DCDC2: variants seen among roughly 807,000 people sequenced by gnomAD.
DCDC2 encodes doublecortin domain-containing protein 2.
In DCDC2, 40 loss-of-function variants were observed where a neutral mutation model predicts 50.2. The ratio of observed to expected loss-of-function variants is 0.80; its 90% CI spans 0.62 to 1.04. The LOEUF (loss-of-function observed/expected upper bound fraction) is 1.04. Ranked by LOEUF, DCDC2 falls within the 50% of genes least tolerant of loss-of-function variation. The pLI, the probability that DCDC2 is intolerant of heterozygous loss-of-function variation, is 0.00. For synonymous variants in DCDC2, 234 were observed against 210.6 expected (o/e 1.11, Z -0.96); for missense variants, 570 against 581.9 (o/e 0.98, Z 0.21).
chr6:24,299,326 G>A (rs1418977078), intron 4 of DCDC2, among the ~76,000 whole-genome samples: 1 of 152,156 alleles, frequency 6.6e-6, no homozygotes, highest in Non-Finnish European at 1.5e-5. Flanking sequence ...AGTAGATACT[G>A]TTGACTGCTA....
At chr6:24,380,729 A>G in the DCDC2 span, among the ~76,000 whole-genome samples, 55,593 of 152,088 alleles carry the variant, frequency 0.37, 10,664 homozygotes, top group African/African-American at 0.47. Flanking sequence ...AATTATGAGG[A>G]GTGAGGACCA....
the DCDC2 span, among the ~76,000 whole-genome samples, chr6:24,377,600 A>G: frequency 6.6e-6 from 1 of 152,226 alleles, no homozygotes; most frequent in Admixed American, 6.5e-5. Context: ...TCTTGGTTTC[A>G]TCACTTAAGC....
At position 24,318,376 on chromosome 6, in the gene DCDC2, G is replaced by GT. The variant is rs200888895; in HGVS notation, c.349-16333dup. ...TGGAGAGGTTTCCAAGACATACTGGGTTTTTTGTTGTTGTTGTTAGTTTTT... is the reference window on the plus strand; with the variant it reads ...TGGAGAGGTTTCCAAGACATACTGGGTTTTTTTGTTGTTGTTGTTAGTTTTT... On this transcript the variant is annotated intron_variant, in intron 2 of 9. Coordinates refer to ENST00000378454, the MANE Select transcript of DCDC2 (RefSeq NM_016356.5). 2.2e-4 allele frequency among the ~76,000 whole-genome samples: 33 copies of GT among 152,036 alleles called. No homozygotes were observed. The East Asian group carries it at 5.4e-3, about 25-fold the overall frequency.
rs535339564 is a variant in DCDC2 at position 24,237,657 on chromosome 6, A to G, written c.923-32555T>C. 2.7e-4 allele frequency among the ~76,000 whole-genome samples: 41 copies of G among 152,332 alleles called. 1 individual carries two copies. The highest frequency in any genetic ancestry group is 9.6e-4 in the African/African-American group (40 of 41,588). ...CAGGACTATTCACAATAGCAAAGAC[A>G]TGGAATCAACCTAGGTGTCTATCAA... On this transcript the variant is annotated intron_variant, in intron 7 of 9. Coordinates refer to ENST00000378454, the MANE Select transcript of DCDC2 (RefSeq NM_016356.5).
chr6:24,375,053 T>G, the DCDC2 span, among the ~76,000 whole-genome samples: 2 of 152,178 alleles, frequency 1.3e-5, no homozygotes, highest in African/African-American at 4.8e-5. Flanking sequence ...AGAAATACCC[T>G]GTGGTGAAAA....
intron 7 of DCDC2, among the ~76,000 whole-genome samples, chr6:24,236,797 G>A (rs1762449105): frequency 6.6e-6 from 1 of 152,112 alleles, no homozygotes; most frequent in African/African-American, 2.4e-5. Flanking sequence ...ATCACCTGAG[G>A]TCAGGAGTTC....
intron 7 of DCDC2, among the ~76,000 whole-genome samples, chr6:24,251,920 C>T (rs1008278847): frequency 1.3e-5 from 2 of 152,186 alleles, no homozygotes; most frequent in African/African-American, 4.8e-5. Context: ...TGCACATATT[C>T]ATCATCTCCA....
At chr6:24,351,241 G>A (rs1042380258) in intron 2 of DCDC2, among the ~76,000 whole-genome samples, 1 of 152,208 alleles carries the variant, frequency 6.6e-6, no homozygotes, top group African/African-American at 2.4e-5. Context: ...ACTTCGGAGG[G>A]TGAAGGTCAT....
At chr6:24,309,657 A>G (rs1376980970) in intron 2 of DCDC2, among the ~76,000 whole-genome samples, 2 of 152,228 alleles carry the variant, frequency 1.3e-5, no homozygotes, top group African/African-American at 4.8e-5. Context: ...GAAAGAACAA[A>G]AACAAATATT....
intron 8 of DCDC2, among the ~76,000 whole-genome samples, chr6:24,183,074 A>C (rs1157898702): frequency 6.6e-6 from 1 of 152,222 alleles, no homozygotes; most frequent in South Asian, 2.1e-4. Context: ...ATGATTCTAC[A>C]TGTGAGGTAT....
intron 7 of DCDC2, among the ~76,000 whole-genome samples, chr6:24,252,315 A>T (rs1762810658): frequency 6.6e-6 from 1 of 152,164 alleles, no homozygotes; most frequent in Admixed American, 6.6e-5. Flanking sequence ...CAGCCAGATC[A>T]CAAGCCCCTT....
intron 8 of DCDC2, among the ~76,000 whole-genome samples, chr6:24,204,151 G>C (rs979394360): frequency 1.3e-5 from 2 of 152,124 alleles, no homozygotes; most frequent in Non-Finnish European, 2.9e-5. Context: ...ATACCTGAAG[G>C]ATAGTAAACC....
At chr6:24,293,225 C>A (rs1428672942) in intron 4 of DCDC2, among the ~76,000 whole-genome samples, 1 of 152,194 alleles carries the variant, frequency 6.6e-6, no homozygotes, top group Non-Finnish European at 1.5e-5. Flanking sequence ...CCACACCTGG[C>A]CCAGCACTGA....
In DCDC2 at chr6:24,202,303, C is replaced by T. The variant is rs143024307; in HGVS notation, c.1023+2699G>A. On this transcript the variant is annotated intron_variant, in intron 8 of 9. Transcript: ENST00000378454. The stretch of plus-strand genomic sequence containing the variant: ...TCAGCCACGATCAAGTCGGCTTCAT[C>T]CCTGGGATGGAAGCCTGGTTCAACA... 2.4e-3 allele frequency among the ~76,000 whole-genome samples: 368 copies of T among 152,310 alleles called. 1 individual carries two copies. The highest frequency in any genetic ancestry group is 8.5e-3 in the African/African-American group (355 of 41,556).
At chr6:24,301,180 G>A (rs1259375733) in intron 4 of DCDC2, among the ~76,000 whole-genome samples, 1 of 151,826 alleles carries the variant, frequency 6.6e-6, no homozygotes, top group Non-Finnish European at 1.5e-5. Context: ...GCCCATCCTG[G>A]CTAACATGGA....
At chr6:24,347,663 G>A (rs921416543) in intron 2 of DCDC2, among the ~76,000 whole-genome samples, 1 of 152,040 alleles carries the variant, frequency 6.6e-6, no homozygotes, top group East Asian at 1.9e-4. Context: ...GTGTCCTCAG[G>A]GGGTACTGGA....
intron 7 of DCDC2, among the ~76,000 whole-genome samples, chr6:24,231,011 C>A (rs536109037): frequency 6.6e-6 from 1 of 152,106 alleles, no homozygotes; most frequent in African/African-American, 2.4e-5. Flanking sequence ...AGAGTCACTA[C>A]TGAAGGGCAA....
intron 7 of DCDC2, among the ~76,000 whole-genome samples, chr6:24,241,960 C>T (rs1762571288): frequency 1.3e-5 from 2 of 152,090 alleles, no homozygotes; most frequent in East Asian, 3.9e-4. Flanking sequence ...TCACTTGAGC[C>T]CAGGAATTTG....
At chr6:24,230,244 G>A (rs1253017098) in intron 7 of DCDC2, among the ~76,000 whole-genome samples, 3 of 152,138 alleles carry the variant, frequency 2.0e-5, no homozygotes, top group Non-Finnish European at 1.5e-5. Flanking sequence ...GGCGGCCAAT[G>A]GAGAGTGACA....
Sources: allele counts gnomAD v4.1 joint callset (sites outside exome capture counted in the v4.1 genomes callset), GRCh38; gene constraint gnomAD v4.1.1; transcripts MANE v1.5; gene names NCBI Gene and HGNC (gene_info 2026-07-23, HGNC 2026-07-21).